RMDN2: variants seen among roughly 807,000 people sequenced by gnomAD.
RMDN2 encodes regulator of microtubule dynamics 2, also known as regulator of microtubule dynamics protein 2.
Under a neutral mutation model 52.8 loss-of-function variants are expected in RMDN2, and 61 were observed. That is an observed-to-expected ratio of 1.16 (90% CI 0.94 to 1.43). RMDN2 has a LOEUF of 1.43. RMDN2 is among the 40% of genes most tolerant of loss of function. The probability of loss-of-function intolerance (pLI) is 0.00; values close to 1 mark genes in which losing one functional copy is unlikely to be tolerated. For synonymous variants in RMDN2, 180 were observed against 153.1 expected (o/e 1.18, Z -1.30); for missense variants, 592 against 475.3 (o/e 1.25, Z -2.28).
At position 38,050,532 on chromosome 2, in the gene RMDN2, G is replaced by A. The variant is rs372096946; in HGVS notation, c.1714-16450G>A. 1.8e-4 allele frequency among the ~76,000 whole-genome samples: 28 copies of A among 152,258 alleles called. No homozygotes were observed. In the East Asian group the frequency reaches 5.4e-3, roughly 29 times the overall value. ...CGTAGGGACTATGTGCTTGCTGCCAGACTGGGATGCAATATAGTTTTAGTT... is the reference window on the plus strand; with the variant it reads ...CGTAGGGACTATGTGCTTGCTGCCAAACTGGGATGCAATATAGTTTTAGTT... On this transcript the variant is annotated intron_variant, in intron 10 of 10. Coordinates refer to the RMDN2 transcript ENST00000234195.
intron 10 of RMDN2, among the ~76,000 whole-genome samples, chr2:38,060,532 A>G (rs1682005645): frequency 6.6e-6 from 1 of 152,124 alleles, no homozygotes; most frequent in Non-Finnish European, 1.5e-5. Context: ...TTAAATACTG[A>G]TTGCTGGGAT....
At chr2:37,951,061 A>G (rs1668716834) in intron 2 of RMDN2, among the ~76,000 whole-genome samples, 1 of 152,052 alleles carries the variant, frequency 6.6e-6, no homozygotes, top group African/African-American at 2.4e-5. Flanking sequence ...CATCTGTGTG[A>G]CCATTAACTT....
intron 2 of RMDN2, among the ~76,000 whole-genome samples, chr2:37,931,395 T>C (rs1472529327): frequency 6.6e-6 from 1 of 152,222 alleles, no homozygotes; most frequent in Non-Finnish European, 1.5e-5. Context: ...ATCCTACCTG[T>C]ATGTAAATCT....
intron 10 of RMDN2, among the ~76,000 whole-genome samples, chr2:38,009,521 A>G (rs930280154): frequency 6.6e-6 from 1 of 152,026 alleles, no homozygotes; most frequent in Admixed American, 6.5e-5. Flanking sequence ...AGGCTTGTGC[A>G]TTTGTCACGT....
intron 10 of RMDN2, among the ~76,000 whole-genome samples, chr2:38,009,730 C>A (rs911537909): frequency 1.3e-5 from 2 of 152,200 alleles, no homozygotes; most frequent in African/African-American, 4.8e-5. Flanking sequence ...ATTCTCCGTC[C>A]AGCTTTGTTC....
At chr2:37,958,807 G>A (rs749524399) in intron 2 of RMDN2, among the ~76,000 whole-genome samples, 2 of 150,748 alleles carry the variant, frequency 1.3e-5, no homozygotes, top group Non-Finnish European at 2.9e-5. Context: ...TTTCAGAGAT[G>A]TTCCCTCAAT....
chr2:37,948,692 A>G (rs1035072211), intron 2 of RMDN2, among the ~76,000 whole-genome samples: 12 of 152,136 alleles, frequency 7.9e-5, no homozygotes, highest in African/African-American at 2.9e-4. Flanking sequence ...GCTTCTAGAT[A>G]TTTCCTGTAC....
chr2:38,062,777 C>G (rs566580172), intron 10 of RMDN2, among the ~76,000 whole-genome samples: 6 of 121,366 alleles, frequency 4.9e-5, no homozygotes, highest in Admixed American at 2.6e-4. Flanking sequence ...CTTCCCCCCC[C>G]CCACAACAGT....
chr2:37,979,562 A>G (rs1230783017), intron 4 of RMDN2, among the ~76,000 whole-genome samples: 15 of 152,366 alleles, frequency 9.8e-5, no homozygotes, highest in South Asian at 4.1e-4. Flanking sequence ...TGAGTATATC[A>G]TTATGCAGTA....
downstream of RMDN2, among the ~76,000 whole-genome samples, chr2:38,020,125 G>A (rs566820960): frequency 2.0e-5 from 3 of 152,216 alleles, no homozygotes; most frequent in Admixed American, 6.5e-5. Context: ...CCCTGGATCC[G>A]CGGGTGAGGG....
At chr2:37,961,150 C>T (rs1181271595) in intron 2 of RMDN2, among the ~76,000 whole-genome samples, 7 of 152,050 alleles carry the variant, frequency 4.6e-5, no homozygotes, top group Admixed American at 1.3e-4. Context: ...CTTGGTGAAT[C>T]TGATGATTAT....
chr2:38,043,505 G>A lies in RMDN2; in HGVS notation c.1714-23477G>A, dbSNP rs570653814. On this transcript the variant is annotated intron_variant, in intron 10 of 10. Transcript: ENST00000234195. ...ATTTGAAGTGATTGTTGATATTATT[G>A]GATAAATATCCACCTTGTTTGTAAC... 2.2e-4 allele frequency among the ~76,000 whole-genome samples: 34 copies of A among 152,030 alleles called. No individual in the cohort carries two copies. The South Asian group carries it at 5.8e-3, about 26-fold the overall frequency.
intron 5 of RMDN2, among the ~76,000 whole-genome samples, 173 bp downstream of exon 5, chr2:37,981,516 AT>A (rs1673313767): frequency 6.6e-6 from 1 of 152,244 alleles, no homozygotes; most frequent in Admixed American, 6.5e-5. Flanking sequence ...CATTTTTATT[AT>A]GCAGCCTTGA....
chr2:37,969,446 A>G (rs1359194119), intron 2 of RMDN2, among the ~76,000 whole-genome samples: 6 of 151,552 alleles, frequency 4.0e-5, no homozygotes, highest in African/African-American at 1.2e-4. Context: ...AAATTTTTTC[A>G]TAGGTATCTT....
chr2:37,937,954 C>G (rs925785809), intron 2 of RMDN2, among the ~76,000 whole-genome samples: 3 of 152,152 alleles, frequency 2.0e-5, no homozygotes, highest in African/African-American at 7.2e-5. Flanking sequence ...GAGAGGGCAT[C>G]CTTGTCTTGT....
chr2:37,947,381 G>A (rs958547120), intron 2 of RMDN2, among the ~76,000 whole-genome samples: 5 of 152,068 alleles, frequency 3.3e-5, no homozygotes, highest in Non-Finnish European at 7.4e-5. Context: ...AGAAAATTCT[G>A]AAAGTAGAAT....
At chr2:38,011,244 A>G (rs1677947149) in intron 10 of RMDN2, among the ~76,000 whole-genome samples, 1 of 152,236 alleles carries the variant, frequency 6.6e-6, no homozygotes, top group Non-Finnish European at 1.5e-5. Flanking sequence ...GACACTGGCC[A>G]TTAATGAAAA....
At position 38,004,116 on chromosome 2, in the gene RMDN2, T is replaced by G; in HGVS notation, c.1099-20T>G. On this transcript the variant is annotated intron_variant, in intron 9 of 10. Coordinates refer to ENST00000354545, the MANE Select transcript of RMDN2 (RefSeq NM_001170791.3). ...CATAAAAACGGATTATGTTTAATAT[T>G]GGTTATTTCTCATTTCCAGTGTTAT... 1 of 1,610,322 alleles carries G rather than the reference T, an allele frequency of 6.2e-7. No homozygotes were observed. The highest frequency in any genetic ancestry group is 8.5e-7 in the Non-Finnish European group (1 of 1,176,664).
chr2:37,932,264 CTT>C (rs2124896428), intron 2 of RMDN2, among the ~76,000 whole-genome samples: 1 of 150,548 alleles, frequency 6.6e-6, no homozygotes, highest in African/African-American at 2.4e-5. Flanking sequence ...GGTGATGACT[CTT>C]AAGGAGCATG....
Sources: allele counts gnomAD v4.1 joint callset (sites outside exome capture counted in the v4.1 genomes callset), GRCh38; gene constraint gnomAD v4.1.1; transcripts MANE v1.5; gene names NCBI Gene and HGNC (gene_info 2026-07-23, HGNC 2026-07-21).